Variants in RGS6 observed in about 807,000 individuals in gnomAD.
RGS6 encodes regulator of G protein signaling 6.
In RGS6, 30 loss-of-function variants were observed where a neutral mutation model predicts 78.5. The ratio of observed to expected loss-of-function variants is 0.38; its 90% confidence interval spans 0.29 to 0.52. RGS6 has a LOEUF of 0.52. Ranked by LOEUF, RGS6 falls within the 20% of genes least tolerant of loss-of-function variation. RGS6 has a pLI of 0.85. For synonymous variants in RGS6, 206 were observed against 206.0 expected (o/e 1.00, Z 0.00); for missense variants, 495 against 609.7 (o/e 0.81, Z 1.98).
chr14:72,236,594 A>G (rs1280188142), intron 2 of RGS6, among the ~76,000 whole-genome samples: 2 of 151,802 alleles, frequency 1.3e-5, no homozygotes, highest in Admixed American at 6.5e-5. Flanking sequence ...GAAGGCAGAA[A>G]GATCACACAC....
chr14:72,054,862 G>A (rs2153422867), intron 2 of RGS6, among the ~76,000 whole-genome samples: 1 of 152,222 alleles, frequency 6.6e-6, no homozygotes, highest in South Asian at 2.1e-4. Context: ...TTATGAAGAG[G>A]TATCATCCCT....
intron 17 of RGS6, among the ~76,000 whole-genome samples, chr14:72,556,212 G>GACTC (rs1351242211): frequency 1.3e-5 from 2 of 152,164 alleles, no homozygotes; most frequent in Non-Finnish European, 2.9e-5. Context: ...AGGTTTAATT[G>GACTC]ACTCACAGTT....
At chr14:71,871,499 C>T in the RGS6 span, among the ~76,000 whole-genome samples, 82 of 152,240 alleles carry the variant, frequency 5.4e-4, no homozygotes, top group East Asian at 0.014. Flanking sequence ...GCTCTTTGAT[C>T]TGATTTTTTT....
At chr14:72,195,947 T>G (rs182912012) in intron 2 of RGS6, among the ~76,000 whole-genome samples, 4 of 152,234 alleles carry the variant, frequency 2.6e-5, no homozygotes, top group Admixed American at 1.3e-4. Flanking sequence ...CAATGGGGAT[T>G]TAGATAAAGT....
At chr14:72,474,568 A>G in intron 9 of RGS6, 57 bp from the exon 10 acceptor site, 1 of 1,495,342 alleles carries the variant, frequency 6.7e-7, no homozygotes, top group South Asian at 1.2e-5. Context: ...GACATGGGCT[A>G]AATTGGAAGT....
intron 3 of RGS6, among the ~76,000 whole-genome samples, chr14:72,372,278 A>G (rs1037763892): frequency 6.6e-6 from 1 of 152,202 alleles, no homozygotes; most frequent in African/African-American, 2.4e-5. Flanking sequence ...TTAATAAGGC[A>G]TGTTTTGTAC....
At chr14:72,533,920 C>T (rs1183714852) in intron 15 of RGS6, among the ~76,000 whole-genome samples, 1 of 152,148 alleles carries the variant, frequency 6.6e-6, no homozygotes, top group Non-Finnish European at 1.5e-5. Flanking sequence ...TGAGATGACA[C>T]AAAGAATTTA....
At chr14:72,400,365 C>T (rs533119952) in intron 3 of RGS6, among the ~76,000 whole-genome samples, 1 of 152,320 alleles carries the variant, frequency 6.6e-6, no homozygotes, top group Admixed American at 6.5e-5. Flanking sequence ...TATCAGTGAA[C>T]TTCGAGCAAT....
the RGS6 span, among the ~76,000 whole-genome samples, chr14:71,898,501 CTTTTT>C: frequency 6.6e-6 from 1 of 152,020 alleles, no homozygotes; most frequent in Non-Finnish European, 1.5e-5. Flanking sequence ...TGTAGGTACA[CTTTTT>C]TTTATTATTT....
At chr14:71,995,595 T>C (rs1455632072) in intron 2 of RGS6, among the ~76,000 whole-genome samples, 1 of 152,166 alleles carries the variant, frequency 6.6e-6, no homozygotes, top group Non-Finnish European at 1.5e-5. Context: ...ATAATAATGG[T>C]GCTCGCCTCA....
chr14:72,552,572 ACACT>A lies in RGS6; in HGVS notation c.1423-9841_1423-9838del, dbSNP rs1412716574. The A allele has an allele frequency of 1.2e-4, 18 of 152,272 alleles. 1 individual carries two copies. Among genetic ancestry groups the A allele is most frequent in the Admixed American group, 1.2e-3 (18 of 15,286 alleles). The allele number at this position is 152,272 out of a possible 1,614,324, so 9.4% of individuals were successfully genotyped here. On this transcript the variant is annotated intron_variant, in intron 17 of 17. Transcript: ENST00000553525. ...AAATGTAGCCCTCCATGTGACAGAAACACTCACCTCTCAGCTGTCTGCTTGCCTG... is the reference window on the plus strand; with the variant it reads ...AAATGTAGCCCTCCATGTGACAGAAACACCTCTCAGCTGTCTGCTTGCCTG...
chr14:72,342,395 A>G (rs547076208), intron 2 of RGS6, among the ~76,000 whole-genome samples: 23 of 152,042 alleles, frequency 1.5e-4, no homozygotes, highest in African/African-American at 4.6e-4. Context: ...GCGAAACTCC[A>G]TATCTCCCAA....
intron 2 of RGS6, among the ~76,000 whole-genome samples, chr14:72,316,774 AT>A (rs1044408225): frequency 3.9e-5 from 6 of 151,934 alleles, no homozygotes; most frequent in Middle Eastern, 3.4e-3. Context: ...GATTGGCATT[AT>A]TTTTTTTCTG....
intron 13 of RGS6, among the ~76,000 whole-genome samples, chr14:72,508,455 T>A (rs1342616969): frequency 6.6e-6 from 1 of 151,848 alleles, no homozygotes; most frequent in East Asian, 1.9e-4. Context: ...GTGGCTGCCA[T>A]ATTGGAGAGC....
intron 1 of RGS6, among the ~76,000 whole-genome samples, chr14:71,934,302 T>C (rs961697389): frequency 1.3e-5 from 2 of 152,214 alleles, no homozygotes; most frequent in African/African-American, 2.4e-5. Flanking sequence ...ACTATATATA[T>C]GTAGAGAGAG....
At chr14:72,022,909 C>T (rs17768491) in intron 2 of RGS6, among the ~76,000 whole-genome samples, 6,449 of 152,278 alleles carry the variant, frequency 0.042, 186 homozygotes, top group African/African-American at 0.073. Flanking sequence ...GCGATGCCTA[C>T]GTTTATACAG....
chr14:72,318,544 G>C (rs2070964493), intron 2 of RGS6, among the ~76,000 whole-genome samples: 1 of 152,168 alleles, frequency 6.6e-6, no homozygotes, highest in South Asian at 2.1e-4. Flanking sequence ...AAAAAGCTGG[G>C]AGATTCTATA....
chr14:72,104,500 A>G (rs1430053606), intron 2 of RGS6, among the ~76,000 whole-genome samples: 1 of 152,228 alleles, frequency 6.6e-6, no homozygotes, highest in Non-Finnish European at 1.5e-5. Flanking sequence ...GAACAGATTT[A>G]AAAATTAAAA....
At chr14:72,033,984 A>G (rs1022729411) in intron 2 of RGS6, among the ~76,000 whole-genome samples, 2 of 152,020 alleles carry the variant, frequency 1.3e-5, no homozygotes, top group Non-Finnish European at 2.9e-5. Flanking sequence ...ATGGTTTTTG[A>G]TTAGCGTTTT....
Sources: allele counts gnomAD v4.1 joint callset (sites outside exome capture counted in the v4.1 genomes callset), GRCh38; gene constraint gnomAD v4.1.1; transcripts MANE v1.5; gene names NCBI Gene and HGNC (gene_info 2026-07-23, HGNC 2026-07-21).